CNTN5: variants seen among roughly 807,000 people sequenced by gnomAD.
CNTN5 encodes the protein contactin-5.
CNTN5 carries 77 observed loss-of-function variants against 129.1 expected under a neutral mutation model. That is an observed-to-expected ratio of 0.60 (90% CI 0.50 to 0.72). The LOEUF (loss-of-function observed/expected upper bound fraction) is 0.72, where lower values mean the gene tolerates loss of function less well. Ranked by LOEUF, CNTN5 falls within the 30% of genes least tolerant of loss-of-function variation. CNTN5 has a pLI of 0.00. For synonymous variants in CNTN5, 509 were observed against 465.6 expected (o/e 1.09, Z -1.20); for missense variants, 1,478 against 1,328.8 (o/e 1.11, Z -1.75).
Position 99,786,416 on chromosome 11 carries a change from T to C in CNTN5, c.56-33128T>C, listed in dbSNP as rs139776522. 6.6e-3 allele frequency among the ~76,000 whole-genome samples: 1,000 copies of C among 151,632 alleles called. 10 individuals are homozygous for C. Among genetic ancestry groups the C allele is most frequent in the African/African-American group, 0.023 (938 of 41,476 alleles). On this transcript the variant is annotated intron_variant, in intron 3 of 24. Transcript: ENST00000524871. ...ATAGGAAGAATCAATATCGCAAAAATGGCCACACCCCCCAAAGTAATTTAT... is the reference window on the plus strand; with the variant it reads ...ATAGGAAGAATCAATATCGCAAAAACGGCCACACCCCCCAAAGTAATTTAT...
chr11:99,802,051 AC>A (rs1946130582), intron 3 of CNTN5, among the ~76,000 whole-genome samples: 2 of 152,162 alleles, frequency 1.3e-5, no homozygotes, highest in Admixed American at 1.3e-4. Flanking sequence ...TCGTTTTCCC[AC>A]AATATTATTG....
At chr11:100,094,891 G>A (rs1163035742) in intron 13 of CNTN5, among the ~76,000 whole-genome samples, 1 of 152,008 alleles carries the variant, frequency 6.6e-6, no homozygotes, top group African/African-American at 2.4e-5. Flanking sequence ...CTTTTTATGA[G>A]AATTTGTTGC....
At chr11:99,313,124 T>TC (rs1865188118) in intron 1 of CNTN5, among the ~76,000 whole-genome samples, 1 of 151,508 alleles carries the variant, frequency 6.6e-6, no homozygotes, top group South Asian at 2.1e-4. Context: ...TTTTTTTTTT[T>TC]CTATCACTGC....
intron 1 of CNTN5, among the ~76,000 whole-genome samples, chr11:99,208,642 C>T (rs1327107453): frequency 6.6e-6 from 1 of 152,034 alleles, no homozygotes; most frequent in African/African-American, 2.4e-5. Context: ...GATAGTAAGT[C>T]AGAATTATTT....
intron 3 of CNTN5, among the ~76,000 whole-genome samples, chr11:99,594,682 C>T (rs1315673175): frequency 1.3e-5 from 2 of 152,048 alleles, no homozygotes; most frequent in Non-Finnish European, 2.9e-5. Context: ...TCAGGTTTGC[C>T]CAGCACAAAG....
intron 2 of CNTN5, among the ~76,000 whole-genome samples, chr11:99,340,436 G>A (rs1319493386): frequency 1.3e-5 from 2 of 151,884 alleles, no homozygotes; most frequent in African/African-American, 4.8e-5. Context: ...GATAATTAGG[G>A]GGGAAAAAAA....
chr11:100,079,641 CTT>C (rs146040244), intron 13 of CNTN5, among the ~76,000 whole-genome samples: 1 of 151,356 alleles, frequency 6.6e-6, no homozygotes, highest in South Asian at 2.1e-4. Flanking sequence ...ATTTTAAAGA[CTT>C]TTTTTTTCAC....
At position 99,830,308 on chromosome 11, in the gene CNTN5, C is replaced by T. The variant is rs561118900; in HGVS notation, c.277+10543C>T. Among the ~76,000 whole-genome samples, 5 of 152,210 alleles carry T rather than the reference C, an allele frequency of 3.3e-5. No individual in the cohort carries two copies. In the South Asian group the frequency reaches 6.2e-4, roughly 19 times the overall value. On this transcript the variant is annotated intron_variant, in intron 4 of 24. Coordinates refer to ENST00000524871, the MANE Select transcript of CNTN5 (RefSeq NM_014361.4). ...GCACTTTATAAACCCTCTGTGTCTA[C>T]GCAAGCTTTTAAAATTTTTAGCACT...
intron 13 of CNTN5, among the ~76,000 whole-genome samples, chr11:100,169,452 T>C (rs925664405): frequency 2.6e-5 from 4 of 151,942 alleles, no homozygotes; most frequent in African/African-American, 7.2e-5. Context: ...ACCACAGCCT[T>C]CAACAGCCAT....
chr11:100,316,154 C>T (rs567282893), intron 21 of CNTN5, among the ~76,000 whole-genome samples: 1 of 152,238 alleles, frequency 6.6e-6, no homozygotes, highest in Non-Finnish European at 1.5e-5. Flanking sequence ...AGAGAAGATG[C>T]CAGTCTGGCA....
At chr11:99,090,205 T>G (rs1237107753) in intron 1 of CNTN5, among the ~76,000 whole-genome samples, 3 of 152,206 alleles carry the variant, frequency 2.0e-5, no homozygotes, top group African/African-American at 7.2e-5. Flanking sequence ...ACGGGGATAT[T>G]CATTGACATC....
At position 99,362,491 on chromosome 11, in the gene CNTN5, A is replaced by G. The variant is rs540548188; in HGVS notation, c.-71+37007A>G. 4.6e-5 allele frequency among the ~76,000 whole-genome samples: 7 copies of G among 152,126 alleles called. No homozygotes were observed. The South Asian group carries it at 1.2e-3, about 27-fold the overall frequency. On this transcript the variant is annotated intron_variant, in intron 2 of 24. Transcript: ENST00000524871. ...CAGAAGTTTTTAATTTTGATAAAAA[A>G]CAATTTATCTATTTTTTTTAGTTGT...
chr11:99,630,247 CATAT>C lies in CNTN5; in HGVS notation c.55+73997_55+74000del, dbSNP rs201091704. Reference sequence around the variant, plus strand: ...GCTTATGGATGTGTGTGTGTATATACATATATATATATATATATATATGTATATA... The same window carrying C: ...GCTTATGGATGTGTGTGTGTATATACATATATATATATATATATGTATATA... On this transcript the variant is annotated intron_variant, in intron 3 of 24. Transcript: ENST00000524871. Among the ~76,000 whole-genome samples the C allele has an allele frequency of 0.015, 2,336 of 151,084 alleles. 89 individuals carry two copies. In the East Asian group the frequency reaches 0.16, roughly 10 times the overall value.
At chr11:99,764,230 A>G (rs1944679513) in intron 3 of CNTN5, among the ~76,000 whole-genome samples, 1 of 152,026 alleles carries the variant, frequency 6.6e-6, no homozygotes, top group East Asian at 1.9e-4. Flanking sequence ...TAGTAGTTCA[A>G]TTATTTGATG....
At chr11:100,254,551 C>G (rs1266715649) in intron 16 of CNTN5, among the ~76,000 whole-genome samples, 3 of 152,072 alleles carry the variant, frequency 2.0e-5, no homozygotes, top group African/African-American at 7.2e-5. Context: ...TAGTCTCTTG[C>G]ATCTGCTGGT....
chr11:99,653,236 C>T (rs941032014), intron 3 of CNTN5, among the ~76,000 whole-genome samples: 3 of 151,862 alleles, frequency 2.0e-5, no homozygotes, highest in African/African-American at 7.2e-5. Context: ...TACTACTAAA[C>T]TGTAGTACAA....
chr11:99,796,317 G>A (rs1015200340), intron 3 of CNTN5, among the ~76,000 whole-genome samples: 8 of 152,134 alleles, frequency 5.3e-5, no homozygotes, highest in Non-Finnish European at 1.0e-4. Flanking sequence ...TCATAGCGTG[G>A]TGGAGTGCAT....
At chr11:99,086,534 C>A (rs762103452) in intron 1 of CNTN5, among the ~76,000 whole-genome samples, 1 of 152,082 alleles carries the variant, frequency 6.6e-6, no homozygotes, top group African/African-American at 2.4e-5. Flanking sequence ...ACAATCAGAT[C>A]GTGCGTGAGC....
chr11:99,698,812 A>G (rs1391025281), intron 3 of CNTN5, among the ~76,000 whole-genome samples: 1 of 151,080 alleles, frequency 6.6e-6, no homozygotes, highest in Non-Finnish European at 1.5e-5. Context: ...AATCACAATC[A>G]TGAAAGTATT....
Sources: gnomAD v4.1 joint callset for allele counts (sites outside exome capture counted in the v4.1 genomes callset) on GRCh38, gnomAD v4.1.1 for gene constraint, MANE v1.5 for transcripts, NCBI Gene and HGNC (gene_info 2026-07-23, HGNC 2026-07-21) for gene names.